Variants in ARPC1A observed in about 807,000 individuals in gnomAD.
ARPC1A encodes the protein actin related protein 2/3 complex subunit 1A.
In ARPC1A, 8 loss-of-function variants were observed where a neutral mutation model predicts 46.9. That is an observed-to-expected ratio of 0.17 (90% confidence interval 0.10 to 0.31). The LOEUF is 0.31. ARPC1A is among the 10% of genes least tolerant of loss of function. The pLI, the probability that ARPC1A is intolerant of heterozygous loss-of-function variation, is 1.00. For missense variants in ARPC1A, 286 were observed against 483.6 expected (o/e 0.59, Z 3.83); for synonymous variants, 152 against 169.0 (o/e 0.90, Z 0.78).
chr7:99,335,647 T>G (rs1793235563), intron 2 of ARPC1A, among the ~76,000 whole-genome samples: 1 of 152,130 alleles, frequency 6.6e-6, no homozygotes, highest in South Asian at 2.1e-4. Flanking sequence ...AATCTGTAGA[T>G]TCACCATCTT....
intron 5 of ARPC1A, among the ~76,000 whole-genome samples, chr7:99,351,730 G>A (rs1793545116): frequency 6.6e-6 from 1 of 152,218 alleles, no homozygotes; most frequent in Non-Finnish European, 1.5e-5. Flanking sequence ...TTGTCATTTG[G>A]GGTGGTAGGG....
At chr7:99,365,862 ACAT>A (rs1161926137) in intron 9 of ARPC1A, 26 bp from the exon 10 acceptor site, 10 of 1,561,468 alleles carry the variant, frequency 6.4e-6, no homozygotes, top group Non-Finnish European at 8.7e-6. Flanking sequence ...CTCCTCAGTG[ACAT>A]CAGTGCTCTT....
At position 99,338,378 on chromosome 7, in the gene ARPC1A, A is replaced by ATTTTTTTTTTT. The variant is rs754747240; in HGVS notation, c.169+108_169+118dup. On this transcript the variant is annotated intron_variant, in intron 3 of 9. Coordinates refer to ENST00000262942, the MANE Select transcript of ARPC1A (RefSeq NM_006409.4). ...AGCCTAATAAACCCAGGTGGCCATA[A>ATTTTTTTTTTT]TTTTTTTTTTTTTTTTTTTTTTTTT... 339 of 243,034 alleles carry ATTTTTTTTTTT rather than the reference A, an allele frequency of 1.4e-3. 25 individuals are homozygous for ATTTTTTTTTTT. The African/African-American group carries it at 0.014, about 10-fold the overall frequency. The allele number at this position is 243,034 out of a possible 1,614,324, so 15.1% of individuals were successfully genotyped here.
In ARPC1A at chr7:99,352,586, T is replaced by C. The variant is rs1358440265; in HGVS notation, c.501-1323T>C. ...CAGGAGGATCACTTGAGCCCAGAAG[T>C]TGGCTGCAGTGAGCTTTGATCACAC... is the stretch of plus-strand genomic sequence containing the variant. On this transcript the variant is annotated intron_variant, in intron 5 of 9. Transcript: ENST00000262942. Among the ~76,000 whole-genome samples, 9 of 148,712 alleles carry C rather than the reference T, an allele frequency of 6.1e-5. No individual in the cohort carries two copies. The South Asian group carries it at 8.6e-4, about 14-fold the overall frequency.
intron 1 of ARPC1A, among the ~76,000 whole-genome samples, chr7:99,329,168 G>T (rs1793102552): frequency 6.6e-6 from 1 of 151,858 alleles, no homozygotes; most frequent in African/African-American, 2.4e-5. Flanking sequence ...GGGTGTGGTG[G>T]CGGGCCCCTG....
At chr7:99,364,887 C>G (rs1168571964) in intron 9 of ARPC1A, among the ~76,000 whole-genome samples, 1 of 152,078 alleles carries the variant, frequency 6.6e-6, no homozygotes, top group African/African-American at 2.4e-5. Flanking sequence ...GGGGATTCGG[C>G]AGAGCTCAGA....
intron 5 of ARPC1A, among the ~76,000 whole-genome samples, chr7:99,351,886 C>T (rs961340942): frequency 6.6e-6 from 1 of 152,140 alleles, no homozygotes; most frequent in African/African-American, 2.4e-5. Flanking sequence ...AACTCTGGGC[C>T]AGAACATCCT....
intron 1 of ARPC1A, among the ~76,000 whole-genome samples, chr7:99,326,429 A>G (rs1290076088): frequency 6.6e-6 from 1 of 152,128 alleles, no homozygotes; most frequent in Non-Finnish European, 1.5e-5. Context: ...CCTGCTCTCT[A>G]GGGCAGCCCT....
At chr7:99,338,400 T>TC in intron 3 of ARPC1A, 115 bp downstream of exon 3, 2 of 745,546 alleles carry the variant, frequency 2.7e-6, no homozygotes, top group African/African-American at 2.0e-5. Context: ...TTTTTTTTTT[T>TC]TTTGAGAAGG....
chr7:99,359,060 TGA>T (rs1309460649), intron 7 of ARPC1A, among the ~76,000 whole-genome samples: 2 of 149,194 alleles, frequency 1.3e-5, no homozygotes, highest in African/African-American at 4.9e-5. Context: ...CTCAATCTCC[TGA>T]CCTCGTGATC....
intron 3 of ARPC1A, among the ~76,000 whole-genome samples, chr7:99,342,599 A>G (rs1276714954): frequency 2.6e-5 from 4 of 151,920 alleles, no homozygotes; most frequent in Non-Finnish European, 4.4e-5. Flanking sequence ...GTAATGAATA[A>G]ATAAAATAAA....
At position 99,359,699 on chromosome 7, in the gene ARPC1A, G is replaced by A. The variant is rs773348651; in HGVS notation, c.944G>A (p.Arg315His). ...NMDKRATTED[R>H]NTALETLHQN... ...GACAAGAGAGCCACAACTGAGGACC[G>A]CAACACGGCCTTGGAGACGCTGCAC... Residue 315 changes from arginine (R) to histidine (H), a missense_variant, in exon 8 of 10, where the codon CGC (arginine) becomes CAC (histidine). Physicochemically the swap from Arg to His is conservative, Grantham distance 29. This residue lies in a region of ARPC1A where 182 missense variants were observed against 276.7 expected (regional missense o/e 0.66). Transcript: ENST00000262942. 30 of 1,614,032 alleles carry A rather than the reference G, an allele frequency of 1.9e-5. No individual in the cohort carries two copies. The highest frequency in any genetic ancestry group is 1.8e-4 in the Admixed American group (11 of 59,980).
chr7:99,341,998 T>G (rs990932287), intron 3 of ARPC1A, among the ~76,000 whole-genome samples: 41 of 152,164 alleles, frequency 2.7e-4, no homozygotes, highest in Non-Finnish European at 3.8e-4. Context: ...ATATCAGAGT[T>G]CTGAGGTTTT....
chr7:99,352,038 C>T (rs1178842628), intron 5 of ARPC1A, among the ~76,000 whole-genome samples: 1 of 152,272 alleles, frequency 6.6e-6, no homozygotes, highest in South Asian at 2.1e-4. Context: ...AGCCTGCCCA[C>T]CCCTTGTCAC....
chr7:99,356,002 C>T (rs978520569), intron 6 of ARPC1A, among the ~76,000 whole-genome samples: 5 of 152,142 alleles, frequency 3.3e-5, no homozygotes, highest in African/African-American at 1.2e-4. Context: ...CTTGGCCAGA[C>T]ATCAGAGTTC....
chr7:99,353,810 CTT>C lies in ARPC1A; in HGVS notation c.501-97_501-96del, dbSNP rs1793586791. 2.5e-6 allele frequency: 3 copies of C among 1,209,800 alleles called. No individual in the cohort carries two copies. The East Asian group carries it at 7.3e-5, about 29-fold the overall frequency. 74.9% of individuals were successfully genotyped at this position (1,209,800 alleles called of 1,614,324 possible). A position where few individuals can be genotyped will look rare whatever the true frequency, so the allele number is the denominator to read the frequency against. On this transcript the variant is annotated intron_variant, in intron 5 of 9. Coordinates refer to ENST00000262942, the MANE Select transcript of ARPC1A (RefSeq NM_006409.4). Reference sequence around the variant, plus strand: ...TTATTTTTTTTTAATGAGTCAACCTCTTTGCATTCTGAGATTCCTTGTGGCAG... The same window carrying C: ...TTATTTTTTTTTAATGAGTCAACCTCTGCATTCTGAGATTCCTTGTGGCAG...
chr7:99,354,226 T>C (rs1449019865), intron 6 of ARPC1A, 105 bp downstream of exon 6: 3 of 1,316,856 alleles, frequency 2.3e-6, no homozygotes, highest in Non-Finnish European at 3.1e-6. Context: ...GGCACAAACA[T>C]AAAAACCTTA....
intron 4 of ARPC1A, among the ~76,000 whole-genome samples, chr7:99,345,417 T>A (rs1321809436): frequency 1.3e-5 from 2 of 152,178 alleles, no homozygotes; most frequent in Non-Finnish European, 2.9e-5. Flanking sequence ...CAAAACTTAT[T>A]TTAACTACTC....
At chr7:99,332,837 G>T (rs1372507820) in intron 1 of ARPC1A, among the ~76,000 whole-genome samples, 2 of 151,360 alleles carry the variant, frequency 1.3e-5, no homozygotes. Flanking sequence ...TCCTGACCTC[G>T]TGACCTGCCT....
Sources: gnomAD v4.1 joint callset for allele counts (sites outside exome capture counted in the v4.1 genomes callset) on GRCh38, gnomAD v4.1.1 for gene constraint, gnomAD v4.1.1 regional missense constraint, MANE v1.5 for transcripts, NCBI Gene and HGNC (gene_info 2026-07-23, HGNC 2026-07-21) for gene names.